PSMC3: variants seen among roughly 807,000 people sequenced by gnomAD.
The protein encoded by PSMC3 is 26S proteasome regulatory subunit 6A.
In PSMC3, 11 loss-of-function variants were observed where a neutral mutation model predicts 52.0. That is an observed-to-expected ratio of 0.21 (90% CI 0.13 to 0.35). The LOEUF (loss-of-function observed/expected upper bound fraction) is 0.35. Among genes scored for constraint, PSMC3 ranks in the 10% least tolerant of loss-of-function variants. PSMC3 has a pLI of 1.00. For synonymous variants in PSMC3, 201 were observed against 218.8 expected, an observed-to-expected ratio of 0.92 and a Z score of 0.72; for missense variants, 238 against 567.1, an observed-to-expected ratio of 0.42 and a Z score of 5.89.
At chr11:47,419,490 G>A (rs563598449) in intron 10 of PSMC3, among the ~76,000 whole-genome samples, 1 of 152,172 alleles carries the variant, frequency 6.6e-6, no homozygotes, top group Non-Finnish European at 1.5e-5. Flanking sequence ...CCAGCACTGC[G>A]CTTGACACTG....
At position 47,424,444 on chromosome 11, in the gene PSMC3, C is replaced by T; in HGVS notation, c.438G>A (p.Lys146=). ...CCCCACTCACCACCAGGTCTCCTGGCTTTAGCTTTTCAGCATCCACCAACC... is the reference window on the plus strand; with the variant it reads ...CCCCACTCACCACCAGGTCTCCTGGTTTTAGCTTTTCAGCATCCACCAACC... The part of the protein sequence containing the change: ...VIGLVDAEKL[K]PGDLVGVNKD... Residue 146 remains lysine (K), a synonymous_variant, in exon 5 of 12, where the codon AAG becomes AAA. Transcript: ENST00000298852. The surrounding 1 kb of genome is among the most constrained non-coding windows in gnomAD (Gnocchi z 4.8). The T allele has an allele frequency of 6.2e-7, 1 of 1,614,224 alleles. No individual in the cohort carries two copies.
At position 47,422,129 on chromosome 11, in the gene PSMC3, G is replaced by T. The variant is rs1230955329; in HGVS notation, c.884+445C>A. Among the ~76,000 whole-genome samples the T allele has an allele frequency of 6.6e-6, 1 of 150,896 alleles. No homozygotes were observed. The highest frequency in any genetic ancestry group is 1.5e-5 in the Non-Finnish European group (1 of 67,862). The stretch of plus-strand genomic sequence containing the variant: ...GCAATCTTGGCTCACTCCAATCTCT[G>T]CCTCCCAGGTTCAAGTGATTCTTGT... On this transcript the variant is annotated intron_variant, in intron 8 of 11. Coordinates refer to ENST00000298852, the MANE Select transcript of PSMC3 (RefSeq NM_002804.5). This position sits in a 1 kb window ranked among gnomAD's most constrained non-coding sequence, Gnocchi z 4.3.
At chr11:47,425,038 C>G in intron 3 of PSMC3, 83 bp downstream of exon 3, 1 of 1,583,960 alleles carries the variant, frequency 6.3e-7, no homozygotes, top group Non-Finnish European at 8.6e-7. Flanking sequence ...AATACCTCCA[C>G]CCACTCTTTC....
chr11:47,420,202 A>G, intron 10 of PSMC3, 62 bp downstream of exon 10: 1 of 1,581,098 alleles, frequency 6.3e-7, no homozygotes, highest in South Asian at 1.1e-5. Flanking sequence ...ACAGAGAAGC[A>G]TGGCAGAGAC....
chr11:47,422,503 G>A lies in PSMC3; in HGVS notation c.884+71C>T, dbSNP rs1005750502. ...CAGGGTGGGAAGGAACCACAATTTAGCACAACTGAGAGTCAACCCGCTTCC... is the reference window on the plus strand; with the variant it reads ...CAGGGTGGGAAGGAACCACAATTTAACACAACTGAGAGTCAACCCGCTTCC... On this transcript the variant is annotated intron_variant, in intron 8 of 11. Coordinates refer to ENST00000298852, the MANE Select transcript of PSMC3 (RefSeq NM_002804.5). The surrounding 1 kb of genome is among the most constrained non-coding windows in gnomAD (Gnocchi z 4.3). 184 of 1,572,560 alleles carry A rather than the reference G, an allele frequency of 1.2e-4. No individual in the cohort carries two copies. Among genetic ancestry groups the A allele is most frequent in the Non-Finnish European group, 1.6e-4 (180 of 1,152,564 alleles).
In PSMC3 at chr11:47,424,806, T is replaced by C. The variant is rs566128447; in HGVS notation, c.286-95A>G. 1.8e-6 allele frequency: 2 copies of C among 1,126,970 alleles called. No individual in the cohort carries two copies. The highest frequency in any genetic ancestry group is 3.1e-5 in the African/African-American group (2 of 65,066). The allele number at this position is 1,126,970 out of a possible 1,614,324, so 69.8% of individuals were successfully genotyped here. On this transcript the variant is annotated intron_variant, in intron 3 of 11. Coordinates refer to ENST00000298852, the MANE Select transcript of PSMC3 (RefSeq NM_002804.5). This position sits in a 1 kb window ranked among gnomAD's most constrained non-coding sequence, Gnocchi z 4.8. ...ACCTGCAGGGCTGGCCATCCTTACC[T>C]CCCTCCTCCAATAGCCCTGAGCCCA...
intron 6 of PSMC3, 79 bp downstream of exon 6, chr11:47,423,967 T>C: frequency 1.3e-6 from 2 of 1,594,802 alleles, no homozygotes; most frequent in South Asian, 2.2e-5. Context: ...AAAGACACAT[T>C]AGGGAGATGA....
Position 47,426,301 on chromosome 11 carries a change from G to C in PSMC3, c.-22C>G. On this transcript the variant is annotated 5_prime_UTR_variant, in exon 1 of 12. In the 5' UTR this introduces an upstream ATG that the reference lacks. Coordinates refer to ENST00000298852, the MANE Select transcript of PSMC3 (RefSeq NM_002804.5). The stretch of plus-strand genomic sequence containing the variant: ...TCATTTCCTGGAGGAGCGGGCAGAA[G>C]ATGGGACCAGGCGGGAGCCGCAACG... The C allele has an allele frequency of 6.5e-7, 1 of 1,545,440 alleles. No homozygotes were observed. The highest frequency in any genetic ancestry group is 1.2e-5 in the South Asian group (1 of 83,820).
intron 10 of PSMC3, among the ~76,000 whole-genome samples, chr11:47,419,845 CGA>C (rs951836357): frequency 5.4e-5 from 8 of 149,330 alleles, no homozygotes; most frequent in African/African-American, 2.0e-4. Flanking sequence ...GGCGACAGAG[CGA>C]GACACTGTCT....
rs2096043744 is a variant in PSMC3, at chr11:47,424,035, GC to G, written c.591+10del. On this transcript the variant is annotated intron_variant, in intron 6 of 11. Coordinates refer to ENST00000298852, the MANE Select transcript of PSMC3 (RefSeq NM_002804.5). The surrounding 1 kb of genome is among the most constrained non-coding windows in gnomAD (Gnocchi z 4.8). ...TGACAAGGCTGCTGGCAGCTGCCGT[GC>G]CTCCCTCACCTCCTGGATCTGCTTG... 1.9e-6 allele frequency: 3 copies of G among 1,614,020 alleles called. No homozygotes were observed. Among genetic ancestry groups the G allele is most frequent in the Non-Finnish European group, 2.5e-6 (3 of 1,180,026 alleles).
At position 47,423,089 on chromosome 11, in the gene PSMC3, AT is replaced by A. The variant is rs1243332925; in HGVS notation, c.592-117del. ...CCTACTCTAACTCAGGGACACGCCC[AT>A]TTCTTTCCCCATATCAAGAGGACAC... On this transcript the variant is annotated intron_variant, in intron 6 of 11. Coordinates refer to ENST00000298852, the MANE Select transcript of PSMC3 (RefSeq NM_002804.5). 4 of 1,130,506 alleles carry A rather than the reference AT, an allele frequency of 3.5e-6. No individual in the cohort carries two copies. The African/African-American group carries it at 4.7e-5, about 13-fold the overall frequency. The allele number at this position is 1,130,506 out of a possible 1,614,324, so 70.0% of individuals were successfully genotyped here.
chr11:47,422,741 A>T lies in PSMC3; in HGVS notation c.736-19T>A, dbSNP rs1331134855. The T allele has an allele frequency of 1.2e-6, 2 of 1,613,968 alleles. No individual in the cohort carries two copies. Among genetic ancestry groups the T allele is most frequent in the African/African-American group, 2.7e-5 (2 of 74,926 alleles). On this transcript the variant is annotated intron_variant, in intron 7 of 11. Transcript: ENST00000298852. The surrounding 1 kb of genome is among the most constrained non-coding windows in gnomAD (Gnocchi z 4.3). Reference sequence around the variant, plus strand: ...AGGTGGCCTGGCAGGAAAAGGTGGTAGAGTCAGGTCAAAGGCAGACCCTTT... The same window carrying T: ...AGGTGGCCTGGCAGGAAAAGGTGGTTGAGTCAGGTCAAAGGCAGACCCTTT...
rs2096041750 is a variant in PSMC3 at position 47,422,474 on chromosome 11, G to A, written c.884+100C>T. 7.0e-7 allele frequency: 1 copy of A among 1,429,794 alleles called. No individual in the cohort carries two copies. The highest frequency in any genetic ancestry group is 1.8e-5 in the Admixed American group (1 of 54,288). The allele number at this position is 1,429,794 out of a possible 1,614,324, so 88.6% of individuals were successfully genotyped here. On this transcript the variant is annotated intron_variant, in intron 8 of 11. Transcript: ENST00000298852. The surrounding 1 kb of genome is among the most constrained non-coding windows in gnomAD (Gnocchi z 4.3). Reference sequence around the variant, plus strand: ...GAGCCACCATCCAGGGGCAGGAGGGGATACAGGGTGGGAAGGAACCACAAT... The same window carrying A: ...GAGCCACCATCCAGGGGCAGGAGGGAATACAGGGTGGGAAGGAACCACAAT...
chr11:47,419,038 C>T, intron 11 of PSMC3, 78 bp downstream of exon 11: 1 of 1,607,896 alleles, frequency 6.2e-7, no homozygotes, highest in Non-Finnish European at 8.5e-7. Context: ...CCGTCTCCAC[C>T]AGCCAAATGC....
intron 10 of PSMC3, among the ~76,000 whole-genome samples, chr11:47,419,448 G>A (rs546170144): frequency 1.3e-5 from 2 of 152,274 alleles, no homozygotes; most frequent in East Asian, 3.9e-4. Flanking sequence ...CTGCATCTGG[G>A]ACTCCAGGGA....
chr11:47,423,900 G>A, intron 6 of PSMC3, 146 bp downstream of exon 6: 1 of 1,132,224 alleles, frequency 8.8e-7, no homozygotes, highest in Admixed American at 2.0e-5. Flanking sequence ...CTGGGCTTCA[G>A]TCTCCTCACC....
chr11:47,419,581 C>T (rs376308521), intron 10 of PSMC3, among the ~76,000 whole-genome samples: 26 of 152,214 alleles, frequency 1.7e-4, no homozygotes, highest in South Asian at 8.3e-4. Context: ...AGGCTGAGGC[C>T]GGGCGTGGTG....
At position 47,424,581 on chromosome 11, in the gene PSMC3, G is replaced by A; in HGVS notation, c.390+26C>T. ...CACATCCGCTCCTCACCCTCCTCCA[G>A]TCTCTCATTGCTGAGCCACGCTCAC... On this transcript the variant is annotated intron_variant, in intron 4 of 11. Transcript: ENST00000298852. This position sits in a 1 kb window ranked among gnomAD's most constrained non-coding sequence, Gnocchi z 4.8. 1 of 1,607,000 alleles carries A rather than the reference G, an allele frequency of 6.2e-7. No individual in the cohort carries two copies. The highest frequency in any genetic ancestry group is 8.5e-7 in the Non-Finnish European group (1 of 1,173,538).
Position 47,420,414 on chromosome 11 carries a change from G to C in PSMC3, c.982-5C>G. 6.2e-7 allele frequency: 1 copy of C among 1,609,066 alleles called. No homozygotes were observed. The highest frequency in any genetic ancestry group is 8.5e-7 in the Non-Finnish European group (1 of 1,176,950). On this transcript the variant is annotated splice_polypyrimidine_tract_variant and splice_region_variant and intron_variant, in intron 9 of 11. Transcript: ENST00000298852. ...CCTGTTTGTGGCTGCAATTACCTGA[G>C]GAAGAGAAGCCACAACTTGAAAGGA...
Sources: allele counts gnomAD v4.1 joint callset (sites outside exome capture counted in the v4.1 genomes callset), GRCh38; gene constraint gnomAD v4.1.1; non-coding constraint Gnocchi (gnomAD v3.1); transcripts MANE v1.5; gene names NCBI Gene and HGNC (gene_info 2026-07-23, HGNC 2026-07-21).